RHCE: variants seen among roughly 807,000 people sequenced by gnomAD.
The protein encoded by RHCE is blood group Rh(CE) polypeptide.
In RHCE, 22 loss-of-function variants were observed where a neutral mutation model predicts 43.8. The observed-to-expected ratio is 0.50, with a 90% CI of 0.36 to 0.72. The LOEUF (loss-of-function observed/expected upper bound fraction) is 0.72. RHCE is among the 30% of genes least tolerant of loss of function. The pLI is 0.00. For synonymous variants in RHCE, 156 were observed against 210.7 expected (o/e 0.74, Z 2.25); for missense variants, 385 against 525.4 (o/e 0.73, Z 2.61).
chr1:25,378,214 T>G (rs1645846264), intron 7 of RHCE, among the ~76,000 whole-genome samples: 1 of 152,208 alleles, frequency 6.6e-6, no homozygotes, highest in Non-Finnish European at 1.5e-5. Flanking sequence ...ACACTACTGG[T>G]GATTAGATTG....
chr1:25,404,197 C>G (rs1476055932), intron 2 of RHCE, among the ~76,000 whole-genome samples: 1 of 142,696 alleles, frequency 7.0e-6, no homozygotes, highest in Non-Finnish European at 1.5e-5. Flanking sequence ...AAAATTCACT[C>G]TCTGTAAAAT....
chr1:25,393,974 C>CT (rs1345912041), intron 3 of RHCE, among the ~76,000 whole-genome samples: 2 of 152,072 alleles, frequency 1.3e-5, no homozygotes, highest in Non-Finnish European at 1.5e-5. Flanking sequence ...AGTCTGTCTG[C>CT]TTTTTATTTT....
intron 8 of RHCE, among the ~76,000 whole-genome samples, chr1:25,372,750 A>C (rs1412400528): frequency 3.3e-5 from 5 of 151,690 alleles, no homozygotes; most frequent in Non-Finnish European, 7.4e-5. Flanking sequence ...CTGGGAGTCC[A>C]TTTGGTGCAA....
At chr1:25,412,714 TTAAAAAAAAAAA>T (rs1214108853) in intron 1 of RHCE, among the ~76,000 whole-genome samples, 2 of 100,420 alleles carry the variant, frequency 2.0e-5, no homozygotes, top group African/African-American at 9.7e-5. Context: ...GACCCTTTTT[TTAAAAAAAAAAA>T]AAAAAAAAAA....
intron 1 of RHCE, among the ~76,000 whole-genome samples, chr1:25,412,526 A>C (rs559381191): frequency 3.0e-4 from 45 of 152,170 alleles, no homozygotes; most frequent in Admixed American, 2.6e-3. Flanking sequence ...CAGCCTAGGC[A>C]ACATAGCAAG....
At position 25,401,642 on chromosome 1, in the gene RHCE, C is replaced by T. The variant is rs1285478539; in HGVS notation, c.486+954G>A. Among the ~76,000 whole-genome samples the T allele has an allele frequency of 4.6e-5, 7 of 152,320 alleles. No homozygotes were observed. The East Asian group carries it at 5.8e-4, about 13-fold the overall frequency. On this transcript the variant is annotated intron_variant, in intron 3 of 9. Transcript: ENST00000294413. ...GAGAGGACATGTGCAGTTACTGACA[C>T]GCACTGACTGAAAGAAGATGCTGGC...
At chr1:25,379,451 GTATATATATATATATATA>G (rs1189074254) in intron 7 of RHCE, among the ~76,000 whole-genome samples, 31 of 50,998 alleles carry the variant, frequency 6.1e-4, no homozygotes, top group South Asian at 1.6e-3. Flanking sequence ...TAGCACCAAA[GTATATATATATATATATA>G]TATATATATA....
At chr1:25,403,900 G>C (rs1646832764) in intron 2 of RHCE, among the ~76,000 whole-genome samples, 1 of 151,852 alleles carries the variant, frequency 6.6e-6, no homozygotes, top group African/African-American at 2.4e-5. Context: ...GGGCGCAGTG[G>C]CTCATGCCTG....
chr1:25,371,178 G>A (rs1379415609), intron 8 of RHCE, among the ~76,000 whole-genome samples: 2 of 150,896 alleles, frequency 1.3e-5, no homozygotes, highest in East Asian at 1.9e-4. Flanking sequence ...CCCCACGAAA[G>A]CTGATCCATG....
chr1:25,379,495 A>ATATATT (rs1645925923), intron 7 of RHCE, among the ~76,000 whole-genome samples: 1 of 27,096 alleles, frequency 3.7e-5, no homozygotes, highest in Non-Finnish European at 5.7e-5. Flanking sequence ...ATATATATAT[A>ATATATT]TTTTTTTTTT....
At chr1:25,373,842 T>C (rs1170040286) in intron 8 of RHCE, among the ~76,000 whole-genome samples, 1 of 151,252 alleles carries the variant, frequency 6.6e-6, no homozygotes, top group Non-Finnish European at 1.5e-5. Context: ...CTTTCTTTTT[T>C]TTTTTTTTGA....
chr1:25,418,173 C>T (rs574078450), intron 1 of RHCE, among the ~76,000 whole-genome samples: 6 of 152,132 alleles, frequency 3.9e-5, no homozygotes, highest in South Asian at 2.1e-4. Context: ...ACTACAGGCA[C>T]GTGCCACCAC....
At chr1:25,383,538 A>G (rs1646062144) in intron 7 of RHCE, among the ~76,000 whole-genome samples, 1 of 152,222 alleles carries the variant, frequency 6.6e-6, no homozygotes. Flanking sequence ...TTACAGATAG[A>G]AAACTGAGAT....
chr1:25,394,853 T>C (rs1646492689), intron 3 of RHCE, among the ~76,000 whole-genome samples: 1 of 152,124 alleles, frequency 6.6e-6, no homozygotes, highest in South Asian at 2.1e-4. Flanking sequence ...GCCTGGAATA[T>C]TCATTTCTTG....
intron 9 of RHCE, 92 bp from the exon 10 acceptor site, chr1:25,362,645 A>G (rs1645435756): frequency 2.7e-6 from 2 of 753,332 alleles, no homozygotes; most frequent in Non-Finnish European, 4.3e-6. Context: ...TCTCATTACA[A>G]AGACCTTAGA....
intron 1 of RHCE, among the ~76,000 whole-genome samples, chr1:25,411,917 A>T (rs61540932): frequency 1.3e-5 from 2 of 152,214 alleles, no homozygotes; most frequent in Non-Finnish European, 2.9e-5. Context: ...GCAATGCTAT[A>T]TGCATAGGGT....
At chr1:25,411,270 A>C in intron 1 of RHCE, 1 of 1,541,722 alleles carries the variant, frequency 6.5e-7, no homozygotes, top group Non-Finnish European at 8.8e-7. Flanking sequence ...TGCCTAGCAC[A>C]TGGAGAACAC....
At chr1:25,424,457 G>A (rs1489974482), upstream of RHCE, among the ~76,000 whole-genome samples, 1 of 151,838 alleles carries the variant, frequency 6.6e-6, no homozygotes, top group Non-Finnish European at 1.5e-5. Flanking sequence ...GCACAATCTC[G>A]GCTCACTGCA....
intron 3 of RHCE, among the ~76,000 whole-genome samples, chr1:25,401,614 A>G (rs1322158203): frequency 6.6e-6 from 1 of 152,212 alleles, no homozygotes; most frequent in Admixed American, 6.5e-5. Context: ...AGGCTCTCCC[A>G]ATGAGAGGAC....
Sources: gnomAD v4.1 joint callset for allele counts (sites outside exome capture counted in the v4.1 genomes callset) on GRCh38, gnomAD v4.1.1 for gene constraint, MANE v1.5 for transcripts, NCBI Gene and HGNC (gene_info 2026-07-23, HGNC 2026-07-21) for gene names.